Variants in CSF3R observed in about 807,000 individuals in gnomAD.
CSF3R encodes granulocyte colony-stimulating factor receptor.
Under a neutral mutation model 84.4 loss-of-function variants are expected in CSF3R, and 52 were observed. The observed-to-expected ratio is 0.62, with a 90% CI of 0.49 to 0.78. The LOEUF is 0.78. CSF3R is among the 30% of genes least tolerant of loss of function. The probability of loss-of-function intolerance (pLI) is 0.00; values close to 1 mark genes in which losing one functional copy is unlikely to be tolerated. For synonymous variants in CSF3R, 384 were observed against 429.1 expected, an observed-to-expected ratio of 0.89 and a Z score of 1.30; for missense variants, 890 against 1,055.7, an observed-to-expected ratio of 0.84 and a Z score of 2.17.
intron 11 of CSF3R, among the ~76,000 whole-genome samples, 183 bp from the exon 12 acceptor site, chr1:36,469,440 G>A (rs982928379): frequency 6.6e-6 from 1 of 152,246 alleles, no homozygotes; most frequent in Non-Finnish European, 1.5e-5. Flanking sequence ...AGAGCTAGAA[G>A]GGTGGCAGAG....
chr1:36,467,449 TG>T lies in CSF3R; in HGVS notation c.1958+108del. 7.1e-7 allele frequency: 1 copy of T among 1,415,648 alleles called. No homozygotes were observed. The highest frequency in any genetic ancestry group is 1.2e-5 in the South Asian group (1 of 86,710). 87.7% of individuals were successfully genotyped at this position (1,415,648 alleles called of 1,614,324 possible). A position where few individuals can be genotyped will look rare whatever the true frequency, so the allele number is the denominator to read the frequency against. On this transcript the variant is annotated intron_variant, in intron 15 of 16. Coordinates refer to ENST00000373106, the MANE Select transcript of CSF3R (RefSeq NM_000760.4). This position sits in a 1 kb window ranked among gnomAD's most constrained non-coding sequence, Gnocchi z 4.1. Reference sequence around the variant, plus strand: ...AGCTGGGGGCTGGGACTCTCAGACATGGGCCCCAAAGTTTGGGAAGGCTGGA... The same window carrying T: ...AGCTGGGGGCTGGGACTCTCAGACATGGCCCCAAAGTTTGGGAAGGCTGGA...
rs370100726 is a variant in CSF3R, at chr1:36,472,023, C to A, written c.1071+43G>T. On this transcript the variant is annotated intron_variant, in intron 9 of 16. Coordinates refer to ENST00000373106, the MANE Select transcript of CSF3R (RefSeq NM_000760.4). The surrounding 1 kb of genome is among the most constrained non-coding windows in gnomAD (Gnocchi z 5.0). ...GGTTTGTAGGGATCTGTTTGGACTG[C>A]GGGAGGTGTCGAGGTGGAGGGATGG... is the stretch of plus-strand genomic sequence containing the variant. 6.3e-7 allele frequency: 1 copy of A among 1,588,850 alleles called. No individual in the cohort carries two copies. Among genetic ancestry groups the A allele is most frequent in the South Asian group, 1.1e-5 (1 of 90,490 alleles).
At chr1:36,474,994 A>G (rs1309052374) in intron 4 of CSF3R, among the ~76,000 whole-genome samples, 1 of 146,332 alleles carries the variant, frequency 6.8e-6, no homozygotes, top group Non-Finnish European at 1.5e-5. Context: ...AATAGGTAGT[A>G]CTCTTTTTTT....
Position 36,466,869 on chromosome 1 carries a change from A to T in CSF3R, c.2041-42T>A, listed in dbSNP as rs979745964. The T allele has an allele frequency of 1.2e-6, 2 of 1,613,834 alleles. No homozygotes were observed. The highest frequency in any genetic ancestry group is 8.5e-7 in the Non-Finnish European group (1 of 1,179,984). ...GGGGTGAGAGCACGGCTCATTTCAGATGTCTGCCCCAGCCACTGTCCCTGT... is the reference window on the plus strand; with the variant it reads ...GGGGTGAGAGCACGGCTCATTTCAGTTGTCTGCCCCAGCCACTGTCCCTGT... On this transcript the variant is annotated intron_variant, in intron 16 of 16. Coordinates refer to ENST00000373106, the MANE Select transcript of CSF3R (RefSeq NM_000760.4). This position sits in a 1 kb window ranked among gnomAD's most constrained non-coding sequence, Gnocchi z 4.6.
chr1:36,479,126 C>A, intron 3 of CSF3R: 2 of 448,420 alleles, frequency 4.5e-6, no homozygotes, highest in South Asian at 4.1e-5. Flanking sequence ...CTTTGCTGCC[C>A]ACCAAGGCTG....
chr1:36,475,866 C>T (rs1651115473), intron 3 of CSF3R, 193 bp from the exon 4 acceptor site: 6 of 582,998 alleles, frequency 1.0e-5, no homozygotes, highest in Non-Finnish European at 1.8e-5. Context: ...TAGTGATGTG[C>T]TGGTAACCGT....
Position 36,466,389 on chromosome 1 carries a change from C to A in CSF3R, c.2479G>T (p.Val827Phe). The stretch of plus-strand genomic sequence containing the variant: ...CTCCCCAGCGCCTCCATCCCATGGA[C>A]CCGGATCCCCTGCAGGAGGGGGAAG... ...LNFPLLQGIR[V>F]HGMEALGSF The change falls in exon 17 of 17, where the codon GTC becomes TTC. Residue 827 changes from valine (V) to phenylalanine (F), a missense_variant. Transcript: ENST00000373106. The surrounding 1 kb of genome is among the most constrained non-coding windows in gnomAD (Gnocchi z 4.6). The A allele has an allele frequency of 6.2e-7, 1 of 1,613,400 alleles. No individual in the cohort carries two copies. The highest frequency in any genetic ancestry group is 8.5e-7 in the Non-Finnish European group (1 of 1,179,998).
At chr1:36,473,266 C>G in intron 6 of CSF3R, 169 bp downstream of exon 6, 1 of 705,598 alleles carries the variant, frequency 1.4e-6, no homozygotes, top group South Asian at 1.8e-5. Flanking sequence ...GTCTGTGTCC[C>G]CATTTCTCTG....
At chr1:36,476,631 T>TG (rs1651168057) in intron 3 of CSF3R, among the ~76,000 whole-genome samples, 2 of 151,668 alleles carry the variant, frequency 1.3e-5, no homozygotes, top group African/African-American at 4.8e-5. Context: ...GTTTTTTTTT[T>TG]TTTGTTGTTG....
chr1:36,477,859 C>T (rs374592083), intron 3 of CSF3R, among the ~76,000 whole-genome samples: 4 of 151,708 alleles, frequency 2.6e-5, no homozygotes, highest in African/African-American at 7.3e-5. Flanking sequence ...GCTGGGCTCA[C>T]GCCATTGTCC....
chr1:36,469,916 T>C, intron 10 of CSF3R, 76 bp from the exon 11 acceptor site: 1 of 1,508,406 alleles, frequency 6.6e-7, no homozygotes, highest in Non-Finnish European at 9.1e-7. Flanking sequence ...TGGGTTCAAA[T>C]CCTGGCTTTG....
chr1:36,478,307 T>G (rs1381084477), intron 3 of CSF3R, among the ~76,000 whole-genome samples: 3 of 151,902 alleles, frequency 2.0e-5, no homozygotes, highest in African/African-American at 7.2e-5. Context: ...GGTGAGTGGA[T>G]CACCTGACGT....
chr1:36,473,927 A>G lies in CSF3R; in HGVS notation c.362-40T>C, dbSNP rs1356162683. 4.3e-6 allele frequency: 7 copies of G among 1,612,764 alleles called. No homozygotes were observed. The African/African-American group carries it at 9.4e-5, about 22-fold the overall frequency. Reference sequence around the variant, plus strand: ...GAAGAGTGTGAGGGCTTTGGGTGGGACCACTCAGAAAGCTTCCTCTGGGAC... The same window carrying G: ...GAAGAGTGTGAGGGCTTTGGGTGGGGCCACTCAGAAAGCTTCCTCTGGGAC... On this transcript the variant is annotated intron_variant, in intron 4 of 16. Coordinates refer to ENST00000373106, the MANE Select transcript of CSF3R (RefSeq NM_000760.4).
rs1473728995 is a variant in CSF3R, at chr1:36,479,521, A to G, written c.-20-5T>C. ...TAGCACCAACTTGATGTTCACCTGT[A>G]GGCAGAAGGGTTGTTTAAGACCATG... On this transcript the variant is annotated splice_region_variant and splice_polypyrimidine_tract_variant and intron_variant, in intron 2 of 16. Transcript: ENST00000373106. 6.2e-6 allele frequency: 10 copies of G among 1,611,064 alleles called. No individual in the cohort carries two copies. The highest frequency in any genetic ancestry group is 8.5e-6 in the Non-Finnish European group (10 of 1,177,176).
At chr1:36,478,014 T>C (rs1651271407) in intron 3 of CSF3R, among the ~76,000 whole-genome samples, 1 of 151,672 alleles carries the variant, frequency 6.6e-6, no homozygotes, top group South Asian at 2.1e-4. Context: ...CGCCTAGGCC[T>C]CCCAAAGTGC....
In CSF3R at chr1:36,475,385, C is replaced by T. The variant is rs923298829; in HGVS notation, c.353G>A (p.Arg118His). The change falls in exon 4 of 17, where the codon CGC (arginine) becomes CAC (histidine). Residue 118 changes from arginine (R) to histidine (H), a missense_variant. Physicochemically the swap from Arg to His is conservative, Grantham distance 29 (BLOSUM62 0). Transcript: ENST00000373106. ...TGGCTGGAAGGACTTACAGCCTGCG[C>T]GCAGCTCAACCTGGTCCAGGATCTG... is the stretch of plus-strand genomic sequence containing the variant. The part of the protein sequence containing the change: ...SLQILDQVEL[R>H]AGYPPAIPHN... 30 of 1,613,696 alleles carry T rather than the reference C, an allele frequency of 1.9e-5. No individual in the cohort carries two copies. Among genetic ancestry groups the T allele is most frequent in the South Asian group, 8.8e-5 (8 of 91,062 alleles).
At chr1:36,482,352 C>T (rs931799407) in intron 1 of CSF3R, among the ~76,000 whole-genome samples, 5 of 151,466 alleles carry the variant, frequency 3.3e-5, no homozygotes, top group Admixed American at 6.6e-5. Context: ...CGTCTGTTAC[C>T]GAGAGTTTAA....
In CSF3R at chr1:36,478,043, C is replaced by A. The variant is rs1480071667; in HGVS notation, c.64+1390G>T. ...AAAGTGCTGGGATTACAGGCGTGAG[C>A]CACCGCGCCCGGCCCAGACTCAGGA... On this transcript the variant is annotated intron_variant, in intron 3 of 16. Coordinates refer to ENST00000373106, the MANE Select transcript of CSF3R (RefSeq NM_000760.4). Among the ~76,000 whole-genome samples, 3 of 151,258 alleles carry A rather than the reference C, an allele frequency of 2.0e-5. No homozygotes were observed. In the East Asian group the frequency reaches 6.0e-4, roughly 30 times the overall value.
chr1:36,473,102 C>T, intron 6 of CSF3R: 1 of 403,022 alleles, frequency 2.5e-6, no homozygotes, highest in Non-Finnish European at 4.5e-6. Flanking sequence ...TCTTATTTTC[C>T]CCCCCACTTG....
Sources: gnomAD v4.1 joint callset for allele counts (sites outside exome capture counted in the v4.1 genomes callset) on GRCh38, gnomAD v4.1.1 for gene constraint, Gnocchi (gnomAD v3.1) non-coding constraint, MANE v1.5 for transcripts, NCBI Gene and HGNC (gene_info 2026-07-23, HGNC 2026-07-21) for gene names.